Variants in MITF observed in about 807,000 individuals in gnomAD.
MITF encodes the protein microphthalmia-associated transcription factor.
MITF carries 17 observed loss-of-function variants against 60.5 expected under a neutral mutation model. The observed-to-expected ratio is 0.28, with a 90% CI of 0.19 to 0.42. The LOEUF (loss-of-function observed/expected upper bound fraction) is 0.42. MITF is among the 10% of genes least tolerant of loss of function. MITF has a pLI of 1.00. For missense variants in MITF, 622 were observed against 683.5 expected (o/e 0.91, Z 1.00); for synonymous variants, 260 against 248.5 (o/e 1.05, Z -0.43).
chr3:69,946,026 G>A (rs941852536), intron 5 of MITF, among the ~76,000 whole-genome samples: 7 of 152,160 alleles, frequency 4.6e-5, no homozygotes, highest in African/African-American at 1.7e-4. Context: ...TAGCTCACCT[G>A]TCAAAACTGT....
intron 7 of MITF, among the ~76,000 whole-genome samples, chr3:69,952,647 T>G (rs1215259863): frequency 6.6e-6 from 1 of 152,142 alleles, no homozygotes; most frequent in Non-Finnish European, 1.5e-5. Flanking sequence ...GAGTTCCCCT[T>G]TAGTCCCCAG....
chr3:69,754,891 GA>G (rs1411182393), intron 1 of MITF, among the ~76,000 whole-genome samples: 1 of 144,430 alleles, frequency 6.9e-6, no homozygotes, highest in East Asian at 2.3e-4. Flanking sequence ...CCTTAATAAA[GA>G]AAAAACGACT....
At chr3:69,875,160 G>T (rs1011742884) in intron 1 of MITF, among the ~76,000 whole-genome samples, 1 of 152,208 alleles carries the variant, frequency 6.6e-6, no homozygotes, top group Non-Finnish European at 1.5e-5. Flanking sequence ...GACTGAGCTA[G>T]CCCTTGAGTC....
intron 1 of MITF, among the ~76,000 whole-genome samples, chr3:69,858,868 G>A (rs889775121): frequency 3.9e-5 from 6 of 152,058 alleles, no homozygotes; most frequent in African/African-American, 1.4e-4. Flanking sequence ...GAGGCTCTAA[G>A]GGCTGACTTT....
chr3:69,822,932 C>G (rs1435399648), intron 1 of MITF, among the ~76,000 whole-genome samples: 1 of 150,888 alleles, frequency 6.6e-6, no homozygotes, highest in African/African-American at 2.4e-5. Flanking sequence ...AAGAGTCTCA[C>G]TCTGTCACCC....
intron 1 of MITF, among the ~76,000 whole-genome samples, chr3:69,791,879 G>A (rs182953140): frequency 6.6e-6 from 1 of 152,304 alleles, no homozygotes; most frequent in Non-Finnish European, 1.5e-5. Flanking sequence ...GGAAAATGCA[G>A]TTTCATGCTT....
At chr3:69,757,214 C>A (rs1333815531) in intron 1 of MITF, among the ~76,000 whole-genome samples, 1 of 152,116 alleles carries the variant, frequency 6.6e-6, no homozygotes, top group Admixed American at 6.5e-5. Flanking sequence ...TAAAGGAATG[C>A]ATATTCTATC....
At chr3:69,824,088 A>G (rs894254125) in intron 1 of MITF, among the ~76,000 whole-genome samples, 4 of 152,258 alleles carry the variant, frequency 2.6e-5, no homozygotes, top group African/African-American at 9.6e-5. Flanking sequence ...AGCATTTGTC[A>G]GAAGACTGAT....
intron 1 of MITF, among the ~76,000 whole-genome samples, chr3:69,768,049 C>G (rs1295498160): frequency 6.6e-6 from 1 of 152,166 alleles, no homozygotes; most frequent in African/African-American, 2.4e-5. Flanking sequence ...TGTTCTGTAC[C>G]AAGCACCTGG....
rs1392785201 is a variant in MITF at position 69,936,460 on chromosome 3, A to C, written c.355-1362A>C. ...AAGCATGACGTCAAGCCAGGGGGAA[A>C]AATTGATATCAACATTTAAGACCAA... On this transcript the variant is annotated intron_variant, in intron 2 of 9. Transcript: ENST00000352241. The C allele has an allele frequency of 6.9e-6, 4 of 581,272 alleles. No homozygotes were observed. The East Asian group carries it at 1.0e-4, about 14-fold the overall frequency. 36.0% of individuals were successfully genotyped at this position (581,272 alleles called of 1,614,324 possible).
chr3:69,908,826 T>G (rs1320432689), intron 2 of MITF, among the ~76,000 whole-genome samples: 1 of 152,228 alleles, frequency 6.6e-6, no homozygotes, highest in Non-Finnish European at 1.5e-5. Context: ...CTACGTGAGC[T>G]AACACAGTCT....
intron 1 of MITF, chr3:69,866,318 A>T: frequency 1.2e-6 from 2 of 1,613,896 alleles, no homozygotes; most frequent in Non-Finnish European, 1.7e-6. Flanking sequence ...TCAGATGTTC[A>T]TGCCATGCTC....
chr3:69,870,814 G>A (rs1369799172), intron 1 of MITF, among the ~76,000 whole-genome samples: 2 of 152,174 alleles, frequency 1.3e-5, no homozygotes, highest in Admixed American at 6.5e-5. Flanking sequence ...CCTGGGAGAT[G>A]TTGTGGGTGG....
At chr3:69,811,446 G>T (rs1265304513) in intron 1 of MITF, among the ~76,000 whole-genome samples, 1 of 152,168 alleles carries the variant, frequency 6.6e-6, no homozygotes, top group Non-Finnish European at 1.5e-5. Flanking sequence ...GTACCACAAA[G>T]CCCTCAGTAT....
At chr3:69,870,259 T>TACACACAC (rs146363082) in intron 1 of MITF, among the ~76,000 whole-genome samples, 36 of 145,302 alleles carry the variant, frequency 2.5e-4, no homozygotes, top group African/African-American at 8.6e-4. Context: ...GGTAAATGGA[T>TACACACAC]ACACACACAC....
At chr3:69,870,545 C>T (rs943012206) in intron 1 of MITF, among the ~76,000 whole-genome samples, 11 of 151,554 alleles carry the variant, frequency 7.3e-5, no homozygotes, top group Admixed American at 5.3e-4. Context: ...AGTGATTCTC[C>T]TGCCTCAGCC....
chr3:69,764,906 T>G (rs752738949), intron 1 of MITF, among the ~76,000 whole-genome samples: 3 of 152,212 alleles, frequency 2.0e-5, no homozygotes, highest in Non-Finnish European at 4.4e-5. Context: ...CTGGCTTGCC[T>G]CTCCTTGTTT....
chr3:69,916,197 CTT>C (rs1161719471), intron 2 of MITF, among the ~76,000 whole-genome samples: 1 of 152,000 alleles, frequency 6.6e-6, no homozygotes, highest in Non-Finnish European at 1.5e-5. Flanking sequence ...TTTTCAGTGT[CTT>C]TTTTTATGTT....
At chr3:69,939,053 T>C (rs775998742) in intron 3 of MITF, 45 bp from the exon 4 acceptor site, 2 of 1,605,084 alleles carry the variant, frequency 1.2e-6, no homozygotes, top group Non-Finnish European at 1.7e-6. Context: ...TAAAAAGTCA[T>C]TTGCAAATCC....
Sources: allele counts gnomAD v4.1 joint callset (sites outside exome capture counted in the v4.1 genomes callset), GRCh38; gene constraint gnomAD v4.1.1; transcripts MANE v1.5; gene names NCBI Gene and HGNC (gene_info 2026-07-23, HGNC 2026-07-21).